The following CORO2B variants were observed in gnomAD, a reference collection of about 807,000 sequenced individuals.
The protein encoded by CORO2B is coronin 2B.
Under a neutral mutation model 58.8 loss-of-function variants are expected in CORO2B, and 26 were observed. That is an observed-to-expected ratio of 0.44 (90% CI 0.32 to 0.61). The LOEUF (loss-of-function observed/expected upper bound fraction) is 0.61. CORO2B is among the 20% of genes least tolerant of loss of function. CORO2B has a pLI of 0.04. For synonymous variants in CORO2B, 242 were observed against 253.8 expected (o/e 0.95, Z 0.44); for missense variants, 460 against 645.1 (o/e 0.71, Z 3.11).
intron 2 of CORO2B, among the ~76,000 whole-genome samples, chr15:68,689,165 C>T (rs1008169052): frequency 1.3e-5 from 2 of 151,984 alleles, no homozygotes; most frequent in Non-Finnish European, 2.9e-5. Flanking sequence ...AGGATAATGC[C>T]CACAAGAACA....
chr15:68,726,325 A>C lies in CORO2B; in HGVS notation c.*351A>C, dbSNP rs1364738080. ...GAAGCGGGATCCCAGCTAGACTTAGAACTTGGACTTTTCCCCTGTGAAGGG... is the reference window on the plus strand; with the variant it reads ...GAAGCGGGATCCCAGCTAGACTTAGCACTTGGACTTTTCCCCTGTGAAGGG... On this transcript the variant is annotated 3_prime_UTR_variant, in exon 12 of 12. Transcript: ENST00000261861. 3 of 308,994 alleles carry C rather than the reference A, an allele frequency of 9.7e-6. No homozygotes were observed. The highest frequency in any genetic ancestry group is 1.2e-5 in the Non-Finnish European group (2 of 163,850). 19.1% of individuals were successfully genotyped at this position (308,994 alleles called of 1,614,324 possible).
intron 1 of CORO2B, among the ~76,000 whole-genome samples, chr15:68,640,309 G>C (rs144736447): frequency 1.3e-5 from 2 of 152,072 alleles, no homozygotes; most frequent in Non-Finnish European, 2.9e-5. Flanking sequence ...CTCTCCTTTC[G>C]CATGCTTTAC....
At chr15:68,647,984 C>A (rs796213945) in intron 2 of CORO2B, among the ~76,000 whole-genome samples, 1 of 140,996 alleles carries the variant, frequency 7.1e-6, no homozygotes, top group Non-Finnish European at 1.5e-5. Flanking sequence ...GCTATGATCA[C>A]TCCCCTGCAC....
the CORO2B span, among the ~76,000 whole-genome samples, chr15:68,521,923 C>T: frequency 2.0e-5 from 3 of 152,070 alleles, no homozygotes; most frequent in Admixed American, 6.5e-5. Flanking sequence ...ATACGAAAGC[C>T]TCTCAAGTAG....
chr15:68,676,399 GC>G (rs1176677787), intron 2 of CORO2B, among the ~76,000 whole-genome samples: 1 of 152,170 alleles, frequency 6.6e-6, no homozygotes, highest in African/African-American at 2.4e-5. Context: ...ATTTCCGGGG[GC>G]CAATCTAGCT....
intron 3 of CORO2B, among the ~76,000 whole-genome samples, chr15:68,700,351 C>A (rs1892611424): frequency 6.6e-6 from 1 of 152,146 alleles, no homozygotes; most frequent in South Asian, 2.1e-4. Flanking sequence ...CTGTTTCACC[C>A]CCAGCCCTCC....
chr15:68,714,744 C>G (rs1596035514), intron 7 of CORO2B, 81 bp downstream of exon 7: 5 of 1,083,670 alleles, frequency 4.6e-6, no homozygotes, highest in African/African-American at 1.5e-5. Context: ...GCCCCACCCC[C>G]TGGAGAGTAG....
At chr15:68,553,972 GA>G in the CORO2B span, among the ~76,000 whole-genome samples, 1 of 152,228 alleles carries the variant, frequency 6.6e-6, no homozygotes, top group Non-Finnish European at 1.5e-5. Context: ...CACTAGTTTT[GA>G]AAGGAGGAAG....
At chr15:68,635,450 C>T (rs1050569371) in intron 1 of CORO2B, among the ~76,000 whole-genome samples, 4 of 152,190 alleles carry the variant, frequency 2.6e-5, no homozygotes, top group African/African-American at 7.2e-5. Flanking sequence ...ATTCTGCCAC[C>T]GCCTGCCCAG....
the CORO2B span, among the ~76,000 whole-genome samples, chr15:68,535,305 C>T: frequency 6.6e-6 from 1 of 152,210 alleles, no homozygotes. Context: ...GAATCAACAA[C>T]CAAGGTTATA....
At chr15:68,611,768 T>C (rs1422839202) in intron 1 of CORO2B, among the ~76,000 whole-genome samples, 1 of 151,420 alleles carries the variant, frequency 6.6e-6, no homozygotes, top group Non-Finnish European at 1.5e-5. Context: ...AATTTTCCAC[T>C]TTTTTTCTTT....
intron 1 of CORO2B, among the ~76,000 whole-genome samples, chr15:68,633,537 A>ACACACACACACT (rs2058126927): frequency 6.6e-6 from 1 of 151,790 alleles, no homozygotes; most frequent in African/African-American, 2.4e-5. Context: ...ACACACACAC[A>ACACACACACACT]CACACACACT....
At chr15:68,620,833 C>T (rs1051052979) in intron 1 of CORO2B, among the ~76,000 whole-genome samples, 1 of 152,208 alleles carries the variant, frequency 6.6e-6, no homozygotes. Context: ...TCCCACTGTG[C>T]GTGTCAGGCA....
intron 3 of CORO2B, among the ~76,000 whole-genome samples, chr15:68,698,018 T>C (rs1465520425): frequency 2.0e-5 from 3 of 152,106 alleles, no homozygotes; most frequent in African/African-American, 7.2e-5. Context: ...CAGCAGGTAG[T>C]AGCCCCTGGA....
chr15:68,522,550 AG>A, the CORO2B span, among the ~76,000 whole-genome samples: 2 of 152,054 alleles, frequency 1.3e-5, no homozygotes, highest in Non-Finnish European at 2.9e-5. Context: ...CCTGGGTTCA[AG>A]CGATTCTCCT....
At chr15:68,591,738 T>A (rs1228802310) in intron 1 of CORO2B, among the ~76,000 whole-genome samples, 1 of 152,218 alleles carries the variant, frequency 6.6e-6, no homozygotes, top group Non-Finnish European at 1.5e-5. Flanking sequence ...AGTCCTGGCC[T>A]GGACCACTCC....
At chr15:68,718,957 C>A in intron 9 of CORO2B, 147 bp downstream of exon 9, 1 of 841,788 alleles carries the variant, frequency 1.2e-6, no homozygotes, top group Non-Finnish European at 1.9e-6. Context: ...GGGGCATTCT[C>A]AGATGGGGAC....
At chr15:68,696,557 C>CAAAAAA (rs3985628) in intron 3 of CORO2B, among the ~76,000 whole-genome samples, 1,244 of 109,616 alleles carry the variant, frequency 0.011, 30 homozygotes, top group East Asian at 0.024. Context: ...GACTCTGCCT[C>CAAAAAA]AAAAAAAAAA....
At chr15:68,551,723 A>G in the CORO2B span, among the ~76,000 whole-genome samples, 6 of 152,230 alleles carry the variant, frequency 3.9e-5, no homozygotes, top group East Asian at 1.2e-3. Context: ...ACTAAGGTCT[A>G]TTTTTAAAAT....
Sources: gnomAD v4.1 joint callset for allele counts (sites outside exome capture counted in the v4.1 genomes callset) on GRCh38, gnomAD v4.1.1 for gene constraint, MANE v1.5 for transcripts, NCBI Gene and HGNC (gene_info 2026-07-23, HGNC 2026-07-21) for gene names.